ATP2B2: variants seen among roughly 807,000 people sequenced by gnomAD.
The protein encoded by ATP2B2 is ATPase plasma membrane Ca2+ transporting 2.
A neutral mutation model predicts 120.0 loss-of-function variants in ATP2B2; 15 were observed. The ratio of observed to expected loss-of-function variants is 0.12; its 90% CI spans 0.08 to 0.19. ATP2B2 has a LOEUF of 0.19. Ranked by LOEUF, ATP2B2 falls within the 10% of genes least tolerant of loss-of-function variation. The pLI, the probability that ATP2B2 is intolerant of heterozygous loss-of-function variation, is 1.00. For missense variants in ATP2B2, 1,045 were observed against 1,719.8 expected (o/e 0.61, Z 6.94); for synonymous variants, 694 against 700.3 (o/e 0.99, Z 0.14).
At position 10,483,862 on chromosome 3, in the gene ATP2B2, C is replaced by T. The variant is rs562888187; in HGVS notation, c.-320+21603G>A. Among the ~76,000 whole-genome samples the T allele has an allele frequency of 2.6e-5, 4 of 152,294 alleles. No homozygotes were observed. In the South Asian group the frequency reaches 8.3e-4, roughly 32 times the overall value. On this transcript the variant is annotated intron_variant, in intron 1 of 22. Coordinates refer to ENST00000360273, the MANE Select transcript of ATP2B2 (RefSeq NM_001001331.4). ...GCCACCCACGGAAGGACTTGGGGGC[C>T]GGTGCATTGGCGTCAGCCCCCGGCA...
chr3:10,418,181 G>A (rs1213803117), intron 2 of ATP2B2, among the ~76,000 whole-genome samples: 1 of 152,100 alleles, frequency 6.6e-6, no homozygotes, highest in African/African-American at 2.4e-5. Context: ...CATGCATCGA[G>A]CTGTCAAATC....
intron 11 of ATP2B2, 130 bp from the exon 12 acceptor site, chr3:10,372,181 A>C (rs1453769472): frequency 4.5e-6 from 6 of 1,325,828 alleles, no homozygotes; most frequent in Non-Finnish European, 6.4e-6. Flanking sequence ...TGCTTCCGGC[A>C]CTTGTAAAGG....
At chr3:10,695,044 A>G (rs1379750799) in intron 1 of ATP2B2, among the ~76,000 whole-genome samples, 1 of 152,068 alleles carries the variant, frequency 6.6e-6, no homozygotes, top group Non-Finnish European at 1.5e-5. Context: ...TGCTTTGGCC[A>G]ACAGTGTCAC....
chr3:10,624,069 T>C (rs1366758222), intron 1 of ATP2B2, among the ~76,000 whole-genome samples: 1 of 152,202 alleles, frequency 6.6e-6, no homozygotes, highest in African/African-American at 2.4e-5. Flanking sequence ...ATCCCCCTTG[T>C]AGATTTCACA....
intron 2 of ATP2B2, among the ~76,000 whole-genome samples, chr3:10,538,772 C>T (rs928653251): frequency 6.6e-6 from 1 of 152,190 alleles, no homozygotes; most frequent in Non-Finnish European, 1.5e-5. Context: ...CAATATCATA[C>T]TGAATGGGCA....
At chr3:10,591,544 T>C (rs1341343548) in intron 2 of ATP2B2, among the ~76,000 whole-genome samples, 2 of 152,186 alleles carry the variant, frequency 1.3e-5, no homozygotes, top group South Asian at 2.1e-4. Flanking sequence ...AGTGGATCCA[T>C]GGATCCACCA....
intron 2 of ATP2B2, among the ~76,000 whole-genome samples, chr3:10,444,860 C>T (rs770370273): frequency 6.6e-6 from 1 of 152,218 alleles, no homozygotes; most frequent in Non-Finnish European, 1.5e-5. Flanking sequence ...AAAGGAGGGG[C>T]ACTGGGACAT....
chr3:10,340,743 GT>G lies in ATP2B2; in HGVS notation c.2918-40del, dbSNP rs773381051. The stretch of plus-strand genomic sequence containing the variant: ...GAGTGGGGCTGGGCTGAAGGCAGTG[GT>G]GGGGGAATCAGAGGGGAGATGCCTG... On this transcript the variant is annotated intron_variant, in intron 19 of 22. Coordinates refer to ENST00000360273, the MANE Select transcript of ATP2B2 (RefSeq NM_001001331.4). The surrounding 1 kb of genome is among the most constrained non-coding windows in gnomAD (Gnocchi z 5.0). 3.7e-6 allele frequency: 6 copies of G among 1,608,774 alleles called. No individual in the cohort carries two copies. Among genetic ancestry groups the G allele is most frequent in the Non-Finnish European group, 5.1e-6 (6 of 1,175,354 alleles).
In ATP2B2 at chr3:10,360,010, C is replaced by T; in HGVS notation, c.1773G>A (p.Met591Ile). The T allele has an allele frequency of 4.3e-6, 7 of 1,614,228 alleles. No homozygotes were observed. Among genetic ancestry groups the T allele is most frequent in the Non-Finnish European group, 5.9e-6 (7 of 1,180,024 alleles). Residue 591 changes from methionine to isoleucine, a missense_variant, in exon 13 of 23, where the codon ATG (methionine) becomes ATA (isoleucine). Around this residue, in one of 11 missense-constraint regions of ATP2B2, gnomAD observed 343 missense variants for 536.8 expected, o/e 0.64. Transcript: ENST00000360273. ...KQDYEPVRSQMPEEKLYKVYT... is the reference protein window; with the variant it reads ...KQDYEPVRSQIPEEKLYKVYT... ...ACACTTTGTACAACTTCTCCTCTGG[C>T]ATCTGGCTGCGCACGGGCTCGTAGT...
intron 1 of ATP2B2, among the ~76,000 whole-genome samples, chr3:10,497,798 C>T (rs9873870): frequency 0.42 from 64,525 of 151,988 alleles, 14,414 homozygotes; most frequent in African/African-American, 0.58. Flanking sequence ...CTGCTGGTCA[C>T]GTAATACACA....
intron 1 of ATP2B2, among the ~76,000 whole-genome samples, chr3:10,707,748 C>T (rs149099605): frequency 0.033 from 4,973 of 151,802 alleles, 137 homozygotes; most frequent in South Asian, 0.13. Context: ...CGCCTGCCTC[C>T]GCGGGGCGAA....
At chr3:10,598,946 G>T (rs2068834803) in intron 2 of ATP2B2, among the ~76,000 whole-genome samples, 1 of 152,218 alleles carries the variant, frequency 6.6e-6, no homozygotes. Context: ...CCCCTTCAGG[G>T]AAAAGCATAT....
upstream of ATP2B2, among the ~76,000 whole-genome samples, chr3:10,506,724 G>A (rs1413327613): frequency 6.6e-6 from 1 of 152,134 alleles, no homozygotes; most frequent in East Asian, 1.9e-4. Flanking sequence ...CACCTGTCAG[G>A]GTGGAGGGGT....
At chr3:10,475,811 G>C (rs1298962007) in intron 1 of ATP2B2, among the ~76,000 whole-genome samples, 1 of 152,216 alleles carries the variant, frequency 6.6e-6, no homozygotes, top group Non-Finnish European at 1.5e-5. Flanking sequence ...GCCTCATGCT[G>C]TCTCCTACTT....
chr3:10,423,248 C>T (rs1223612928), intron 2 of ATP2B2, among the ~76,000 whole-genome samples: 2 of 152,162 alleles, frequency 1.3e-5, no homozygotes, highest in Non-Finnish European at 2.9e-5. Flanking sequence ...TCTGGCCACC[C>T]ATCCCTAAGG....
At chr3:10,577,854 C>T (rs1311473509) in intron 2 of ATP2B2, among the ~76,000 whole-genome samples, 1 of 152,218 alleles carries the variant, frequency 6.6e-6, no homozygotes, top group African/African-American at 2.4e-5. Context: ...GTCCACAGAC[C>T]AGCAGCCTGG....
intron 1 of ATP2B2, among the ~76,000 whole-genome samples, chr3:10,676,676 G>A (rs2071253573): frequency 6.6e-6 from 1 of 152,090 alleles, no homozygotes; most frequent in Admixed American, 6.5e-5. Flanking sequence ...ATCAATCCTA[G>A]TTCTAGAAAG....
At chr3:10,695,238 A>AGGAG (rs1344874367) in intron 1 of ATP2B2, among the ~76,000 whole-genome samples, 37 of 91,712 alleles carry the variant, frequency 4.0e-4, no homozygotes, top group Admixed American at 1.1e-3. Context: ...TAGCAGGCAA[A>AGGAG]GGAGGGAGGG....
chr3:10,607,660 C>A (rs1389564118), intron 2 of ATP2B2, among the ~76,000 whole-genome samples: 1 of 152,192 alleles, frequency 6.6e-6, no homozygotes. Flanking sequence ...CATCCACTTT[C>A]CACACTTGCA....
Sources: gnomAD v4.1 joint callset for allele counts (sites outside exome capture counted in the v4.1 genomes callset) on GRCh38, gnomAD v4.1.1 for gene constraint, gnomAD v4.1.1 regional missense constraint, Gnocchi (gnomAD v3.1) non-coding constraint, MANE v1.5 for transcripts, NCBI Gene and HGNC (gene_info 2026-07-23, HGNC 2026-07-21) for gene names.